The following RBM19 variants were observed in gnomAD, a reference collection of about 807,000 sequenced individuals.
RBM19 encodes probable RNA-binding protein 19.
A neutral mutation model predicts 116.8 loss-of-function variants in RBM19; 94 were observed. That is an observed-to-expected ratio of 0.80 (90% confidence interval 0.68 to 0.95). The LOEUF (loss-of-function observed/expected upper bound fraction) is 0.95, where lower values mean the gene tolerates loss of function less well. RBM19 is among the 40% of genes least tolerant of loss of function. The probability of loss-of-function intolerance (pLI) is 0.00; values close to 1 mark genes in which losing one functional copy is unlikely to be tolerated. For synonymous variants in RBM19, 475 were observed against 494.1 expected (o/e 0.96, Z 0.51); for missense variants, 1,161 against 1,220.7 (o/e 0.95, Z 0.73).
At position 113,950,070 on chromosome 12, in the gene RBM19, A is replaced by G. The variant is rs190140776; in HGVS notation, c.1072+13T>C. ...TGTAACACAGAGAGAGCACATGGCC[A>G]GGGCTTCCTTACCCATGTACTCCCG... On this transcript the variant is annotated intron_variant, in intron 9 of 23. Coordinates refer to ENST00000261741, the MANE Select transcript of RBM19 (RefSeq NM_016196.4). 1.4e-4 allele frequency: 224 copies of G among 1,587,806 alleles called. No individual in the cohort carries two copies. The highest frequency in any genetic ancestry group is 1.7e-4 in the Non-Finnish European group (198 of 1,156,650).
intron 23 of RBM19, among the ~76,000 whole-genome samples, chr12:113,835,093 G>A (rs774129679): frequency 4.6e-5 from 7 of 152,090 alleles, no homozygotes; most frequent in Non-Finnish European, 8.8e-5. Context: ...CTCCAGTGCC[G>A]ACCGCACACC....
At chr12:113,926,547 C>T (rs1869090832) in intron 17 of RBM19, among the ~76,000 whole-genome samples, 1 of 151,678 alleles carries the variant, frequency 6.6e-6, no homozygotes, top group African/African-American at 2.4e-5. Context: ...CCGGCCCTCA[C>T]TCAGGGCAGC....
intron 21 of RBM19, among the ~76,000 whole-genome samples, chr12:113,883,430 G>C (rs890321881): frequency 3.9e-5 from 6 of 152,226 alleles, no homozygotes; most frequent in East Asian, 1.9e-4. Context: ...GGGAAAAGAA[G>C]GGGCTTATCA....
intron 21 of RBM19, among the ~76,000 whole-genome samples, chr12:113,881,474 G>A (rs1158807225): frequency 6.6e-6 from 1 of 152,136 alleles, no homozygotes; most frequent in Non-Finnish European, 1.5e-5. Context: ...TTTTGGGGGA[G>A]GAAACAAGTG....
intron 21 of RBM19, among the ~76,000 whole-genome samples, chr12:113,891,407 T>C (rs539039690): frequency 6.6e-6 from 1 of 152,148 alleles, no homozygotes; most frequent in Non-Finnish European, 1.5e-5. Context: ...TTTTCCACAT[T>C]TCTCCAGCAG....
chr12:113,830,570 C>CGGG (rs869235673), intron 23 of RBM19, among the ~76,000 whole-genome samples: 195 of 7,808 alleles, frequency 0.025, 25 homozygotes, highest in Non-Finnish European at 0.034. Context: ...GCTAGGGCTG[C>CGGG]GGGGCGGGGG....
At chr12:113,946,511 C>T in intron 11 of RBM19, 36 bp from the exon 12 acceptor site, 1 of 1,613,402 alleles carries the variant, frequency 6.2e-7, no homozygotes, top group South Asian at 1.1e-5. Flanking sequence ...TAAACAGAAG[C>T]CTTGCCTGTA....
Position 113,823,329 on chromosome 12 carries a change from A to G in RBM19, c.2786-8T>C, listed in dbSNP as rs764543292. 5.6e-6 allele frequency: 9 copies of G among 1,611,714 alleles called. No individual in the cohort carries two copies. Among genetic ancestry groups the G allele is most frequent in the East Asian group, 2.2e-5 (1 of 44,862 alleles). On this transcript the variant is annotated splice_region_variant and splice_polypyrimidine_tract_variant and intron_variant, in intron 23 of 23. Transcript: ENST00000261741. ...GCTTTTTCTTCGGGGGCTCTGTGGG[A>G]GCCCAGATGGCAAGAGAGGAGAAAA...
In RBM19 at chr12:113,940,002, G is replaced by T. The variant is rs373602340; in HGVS notation, c.1896C>A (p.Pro632=). ...GCCTGAAGGCCTTGCGGGCCTCCAG[G>T]GGCTCCAGGAACTCCACGATGGCAG... ...GITAIVEFLE[P]LEARKAFRHL... Residue 632 remains proline (P), a synonymous_variant, in exon 15 of 24, where the codon CCC becomes CCA. Coordinates refer to ENST00000261741, the MANE Select transcript of RBM19 (RefSeq NM_016196.4). The T allele has an allele frequency of 4.3e-6, 7 of 1,614,090 alleles. No individual in the cohort carries two copies. In the African/African-American group the frequency reaches 5.3e-5, roughly 12 times the overall value.
chr12:113,900,517 C>G (rs987078263), intron 21 of RBM19, among the ~76,000 whole-genome samples: 33 of 152,302 alleles, frequency 2.2e-4, no homozygotes, highest in African/African-American at 6.7e-4. Flanking sequence ...TATCCCAAAC[C>G]CTTCATGGAA....
intron 9 of RBM19, among the ~76,000 whole-genome samples, chr12:113,949,815 G>A (rs1239239188): frequency 1.3e-5 from 2 of 152,076 alleles, no homozygotes; most frequent in South Asian, 2.1e-4. Flanking sequence ...CCCAGGACCC[G>A]TGCCTGCTGT....
At chr12:113,863,169 C>T (rs899231373) in intron 21 of RBM19, among the ~76,000 whole-genome samples, 5 of 151,448 alleles carry the variant, frequency 3.3e-5, no homozygotes, top group Admixed American at 6.6e-5. Flanking sequence ...GGATGGAAAT[C>T]GTGTTTGCAC....
At chr12:113,855,954 C>A (rs1877864983) in intron 22 of RBM19, among the ~76,000 whole-genome samples, 1 of 152,172 alleles carries the variant, frequency 6.6e-6, no homozygotes, top group African/African-American at 2.4e-5. Flanking sequence ...ATGGCAGCTT[C>A]CCTAGGAAAC....
intron 22 of RBM19, among the ~76,000 whole-genome samples, chr12:113,858,216 C>T (rs922722047): frequency 2.0e-5 from 3 of 152,216 alleles, no homozygotes; most frequent in Non-Finnish European, 2.9e-5. Flanking sequence ...TTGGAGATGC[C>T]GCCTTGCTTC....
chr12:113,866,160 T>TTA (rs1878793444), intron 21 of RBM19, among the ~76,000 whole-genome samples: 1 of 152,318 alleles, frequency 6.6e-6, no homozygotes, highest in East Asian at 1.9e-4. Context: ...TGCTCTCCCT[T>TTA]CTTAGAGTGC....
Position 113,877,960 on chromosome 12 carries a change from G to A in RBM19, c.2559-19064C>T, listed in dbSNP as rs1438183735. Among the ~76,000 whole-genome samples the A allele has an allele frequency of 3.3e-5, 5 of 152,094 alleles. No individual in the cohort carries two copies. In the East Asian group the frequency reaches 5.8e-4, roughly 18 times the overall value. On this transcript the variant is annotated intron_variant, in intron 21 of 23. Coordinates refer to ENST00000261741, the MANE Select transcript of RBM19 (RefSeq NM_016196.4). The stretch of plus-strand genomic sequence containing the variant: ...AGGGCTCAATAAACCATGGCCTACC[G>A]GCAGAATCTGGCCTACTAAATATTT...
At chr12:113,901,118 A>G (rs1377817541) in intron 21 of RBM19, among the ~76,000 whole-genome samples, 1 of 152,200 alleles carries the variant, frequency 6.6e-6, no homozygotes, top group Non-Finnish European at 1.5e-5. Context: ...TATTTTCTAC[A>G]TTCTTTATAG....
chr12:113,833,898 C>T (rs915781979), intron 23 of RBM19, among the ~76,000 whole-genome samples: 11 of 152,006 alleles, frequency 7.2e-5, no homozygotes, highest in African/African-American at 1.9e-4. Flanking sequence ...TGTGTGCCAC[C>T]ATGCCTGGCT....
intron 13 of RBM19, 140 bp downstream of exon 13, chr12:113,945,688 C>T: frequency 1.5e-6 from 1 of 669,396 alleles, no homozygotes; most frequent in Admixed American, 3.0e-5. Context: ...ACCTTCCATT[C>T]CAGAGGCCTC....
Sources: allele counts gnomAD v4.1 joint callset (sites outside exome capture counted in the v4.1 genomes callset), GRCh38; gene constraint gnomAD v4.1.1; transcripts MANE v1.5; gene names NCBI Gene and HGNC (gene_info 2026-07-23, HGNC 2026-07-21).